WWOX: variants seen among roughly 807,000 people sequenced by gnomAD.
WWOX encodes WW domain containing oxidoreductase, also known as WW domain-containing oxidoreductase.
WWOX carries 69 observed loss-of-function variants against 46.2 expected under a neutral mutation model. The observed-to-expected ratio is 1.49, with a 90% CI of 1.23 to 1.82. The LOEUF (loss-of-function observed/expected upper bound fraction) is 1.82, where lower values mean the gene tolerates loss of function less well. Among genes scored for constraint, WWOX ranks in the 40% most tolerant of loss-of-function variants. The probability of loss-of-function intolerance (pLI) is 0.00; values close to 1 mark genes in which losing one functional copy is unlikely to be tolerated. For missense variants in WWOX, 919 were observed against 542.6 expected (o/e 1.69, Z -6.89); for synonymous variants, 359 against 202.6 (o/e 1.77, Z -6.56).
At chr16:78,929,219 T>G (rs140710099) in intron 8 of WWOX, among the ~76,000 whole-genome samples, 205 of 152,052 alleles carry the variant, frequency 1.3e-3, no homozygotes, top group African/African-American at 4.3e-3. Flanking sequence ...CATAAACTCT[T>G]CAGTTCTGTT....
intron 5 of WWOX, among the ~76,000 whole-genome samples, chr16:78,265,280 C>T (rs2079338859): frequency 6.6e-6 from 1 of 152,064 alleles, no homozygotes; most frequent in Non-Finnish European, 1.5e-5. Flanking sequence ...CAGGCATAAG[C>T]CACCTCACCC....
chr16:78,951,923 T>G (rs1337620670), intron 8 of WWOX, among the ~76,000 whole-genome samples: 1 of 152,150 alleles, frequency 6.6e-6, no homozygotes, highest in South Asian at 2.1e-4. Context: ...GGCCATTGTT[T>G]CCTTCCATAA....
At chr16:78,645,031 T>C (rs1477668602) in intron 8 of WWOX, among the ~76,000 whole-genome samples, 2 of 152,216 alleles carry the variant, frequency 1.3e-5, no homozygotes, top group East Asian at 3.9e-4. Flanking sequence ...AGTGCTTTCT[T>C]TTCTTCAAAA....
Position 78,464,505 on chromosome 16 carries a change from G to C in WWOX, c.1056+31753G>C, listed in dbSNP as rs191083288. Reference sequence around the variant, plus strand: ...ATCACAAACTACTAGGATTTCTTGGGTGCTTACCATGTGCCATATTTCCTT... The same window carrying C: ...ATCACAAACTACTAGGATTTCTTGGCTGCTTACCATGTGCCATATTTCCTT... On this transcript the variant is annotated intron_variant, in intron 8 of 8. Coordinates refer to ENST00000566780, the MANE Select transcript of WWOX (RefSeq NM_016373.4). Among the ~76,000 whole-genome samples the C allele has an allele frequency of 5.9e-5, 9 of 152,238 alleles. No homozygotes were observed. In the South Asian group the frequency reaches 8.3e-4, roughly 14 times the overall value.
At chr16:79,020,717 C>G (rs1050380465) in intron 8 of WWOX, among the ~76,000 whole-genome samples, 1 of 152,156 alleles carries the variant, frequency 6.6e-6, no homozygotes, top group Non-Finnish European at 1.5e-5. Flanking sequence ...AAGCTCTGTA[C>G]AGATGCAAGG....
chr16:78,154,090 C>T (rs2034513567), intron 4 of WWOX, among the ~76,000 whole-genome samples: 1 of 152,160 alleles, frequency 6.6e-6, no homozygotes, highest in Non-Finnish European at 1.5e-5. Flanking sequence ...CTTTGTGTTC[C>T]CTGTCTGGGT....
chr16:78,190,083 G>T (rs1187884294), intron 5 of WWOX, among the ~76,000 whole-genome samples: 1 of 152,202 alleles, frequency 6.6e-6, no homozygotes, highest in Non-Finnish European at 1.5e-5. Flanking sequence ...AACTATGAAA[G>T]TGAGGGGGGT....
chr16:79,122,676 C>G (rs2049663579), intron 8 of WWOX, among the ~76,000 whole-genome samples: 2 of 151,890 alleles, frequency 1.3e-5, no homozygotes, highest in African/African-American at 2.4e-5. Context: ...GTTTTTGGGT[C>G]TGCTCGCAGG....
chr16:78,909,120 C>G (rs1405973357), intron 8 of WWOX, among the ~76,000 whole-genome samples: 1 of 152,222 alleles, frequency 6.6e-6, no homozygotes, highest in African/African-American at 2.4e-5. Flanking sequence ...ACAAGACAGC[C>G]TGGAGGTTAG....
chr16:79,009,108 C>T (rs1019120787), intron 8 of WWOX, among the ~76,000 whole-genome samples: 4 of 152,216 alleles, frequency 2.6e-5, no homozygotes, highest in Non-Finnish European at 5.9e-5. Flanking sequence ...TGTCCGCAGG[C>T]CTCCTGCCCT....
chr16:78,778,264 C>T (rs1171870720), intron 8 of WWOX, among the ~76,000 whole-genome samples: 2 of 152,098 alleles, frequency 1.3e-5, no homozygotes, highest in Non-Finnish European at 2.9e-5. Context: ...CTTTGTGGAG[C>T]TCTTGGCAAT....
intron 8 of WWOX, among the ~76,000 whole-genome samples, chr16:78,932,316 G>A (rs2045640926): frequency 6.6e-6 from 1 of 152,168 alleles, no homozygotes. Context: ...ACCAGGCAGT[G>A]ACCTAACGCA....
chr16:78,639,477 TG>T (rs1025912203), intron 8 of WWOX, among the ~76,000 whole-genome samples: 2 of 152,118 alleles, frequency 1.3e-5, no homozygotes, highest in Non-Finnish European at 2.9e-5. Context: ...GGTTCATTGC[TG>T]AGAATAAACC....
intron 8 of WWOX, among the ~76,000 whole-genome samples, chr16:79,166,512 G>A (rs1043640393): frequency 7.2e-5 from 11 of 152,172 alleles, no homozygotes; most frequent in African/African-American, 1.4e-4. Flanking sequence ...CACACCATAC[G>A]GGCAGTAGTC....
chr16:79,044,363 G>A (rs751347288), intron 8 of WWOX, among the ~76,000 whole-genome samples: 1 of 152,186 alleles, frequency 6.6e-6, no homozygotes, highest in African/African-American at 2.4e-5. Flanking sequence ...CATGGTGGGA[G>A]GTGATTGGGT....
intron 4 of WWOX, among the ~76,000 whole-genome samples, chr16:78,121,465 A>G (rs141935867): frequency 4.1e-4 from 62 of 152,324 alleles, no homozygotes; most frequent in African/African-American, 1.4e-3. Flanking sequence ...TTGAGTGTAC[A>G]TGGAAATCAC....
At chr16:79,056,040 T>C (rs1364429960) in intron 8 of WWOX, among the ~76,000 whole-genome samples, 2 of 152,170 alleles carry the variant, frequency 1.3e-5, no homozygotes, top group Non-Finnish European at 1.5e-5. Flanking sequence ...AAGGCTTTAA[T>C]TGATAGAATT....
At position 78,776,148 on chromosome 16, in the gene WWOX, G is replaced by A. The variant is rs145948363; in HGVS notation, c.1056+343396G>A. On this transcript the variant is annotated intron_variant, in intron 8 of 8. Transcript: ENST00000566780. ...GGGAGAGAAGGGAATGCATGGCTTG[G>A]GCTAAAAAAATGATTCTGCATTCAT... Among the ~76,000 whole-genome samples the A allele has an allele frequency of 2.7e-4, 41 of 152,222 alleles. 1 individual carries two copies. The East Asian group carries it at 7.5e-3, about 28-fold the overall frequency.
chr16:79,105,011 C>T (rs2150640863), intron 8 of WWOX, among the ~76,000 whole-genome samples: 1 of 152,252 alleles, frequency 6.6e-6, no homozygotes, highest in South Asian at 2.1e-4. Context: ...AAGGCAGTCT[C>T]CGGTCAGCAC....
Sources: allele counts gnomAD v4.1 joint callset (sites outside exome capture counted in the v4.1 genomes callset), GRCh38; gene constraint gnomAD v4.1.1; transcripts MANE v1.5; gene names NCBI Gene and HGNC (gene_info 2026-07-23, HGNC 2026-07-21).